Variants in FKBP5 observed in about 807,000 individuals in gnomAD.
The protein encoded by FKBP5 is FKBP prolyl isomerase 5.
FKBP5 carries 23 observed loss-of-function variants against 50.5 expected under a neutral mutation model. The ratio of observed to expected loss-of-function variants is 0.46; its 90% CI spans 0.33 to 0.65. The LOEUF is 0.65. Ranked by LOEUF, FKBP5 falls within the 30% of genes least tolerant of loss-of-function variation. The pLI is 0.02. For synonymous variants in FKBP5, 176 were observed against 190.6 expected, an observed-to-expected ratio of 0.92 and a Z score of 0.63; for missense variants, 411 against 553.1, an observed-to-expected ratio of 0.74 and a Z score of 2.58.
chr6:35,666,781 C>A (rs1408305982), intron 1 of FKBP5, among the ~76,000 whole-genome samples: 3 of 151,894 alleles, frequency 2.0e-5, no homozygotes, highest in Non-Finnish European at 4.4e-5. Context: ...CCCAGCTACT[C>A]GGGAGACTGA....
chr6:35,682,701 T>G (rs1285576717), intron 1 of FKBP5, among the ~76,000 whole-genome samples: 2 of 152,190 alleles, frequency 1.3e-5, no homozygotes, highest in Admixed American at 1.3e-4. Context: ...CATCTCTTAT[T>G]CTTCTTTCCA....
chr6:35,665,732 C>T (rs1765196685), intron 1 of FKBP5, among the ~76,000 whole-genome samples: 1 of 152,182 alleles, frequency 6.6e-6, no homozygotes, highest in African/African-American at 2.4e-5. Context: ...CAACAGATCA[C>T]ATCAGGCAAT....
At chr6:35,576,518 T>A (rs1345339540) in intron 10 of FKBP5, among the ~76,000 whole-genome samples, 1 of 151,924 alleles carries the variant, frequency 6.6e-6, no homozygotes, top group Non-Finnish European at 1.5e-5. Flanking sequence ...CAAAAAATTT[T>A]AAAAAATTAG....
intron 2 of FKBP5, among the ~76,000 whole-genome samples, chr6:35,696,272 A>T (rs1197641028): frequency 6.6e-6 from 1 of 152,072 alleles, no homozygotes; most frequent in East Asian, 1.9e-4. Flanking sequence ...CTGTAATCCC[A>T]GCACTTTGGG....
intron 1 of FKBP5, among the ~76,000 whole-genome samples, chr6:35,664,225 A>AT (rs1765153835): frequency 6.6e-6 from 1 of 152,176 alleles, no homozygotes; most frequent in African/African-American, 2.4e-5. Flanking sequence ...GCCAGGGAAT[A>AT]TTTTTTAAAT....
chr6:35,630,881 A>G (rs1239997881), intron 3 of FKBP5, among the ~76,000 whole-genome samples: 1 of 152,238 alleles, frequency 6.6e-6, no homozygotes, highest in Non-Finnish European at 1.5e-5. Context: ...CCGAAGACCA[A>G]TTAAGAAAAT....
At chr6:35,579,518 A>C (rs1762354526) in intron 9 of FKBP5, among the ~76,000 whole-genome samples, 1 of 152,172 alleles carries the variant, frequency 6.6e-6, no homozygotes. Context: ...CACTCAAAAG[A>C]CCAAAGATAG....
chr6:35,698,369 C>T (rs151098272), intron 2 of FKBP5, among the ~76,000 whole-genome samples: 1 of 150,940 alleles, frequency 6.6e-6, no homozygotes, highest in East Asian at 2.0e-4. Flanking sequence ...TAAATAAGGC[C>T]GGGCGCGGTG....
At chr6:35,713,741 C>T (rs1427144558) in intron 2 of FKBP5, among the ~76,000 whole-genome samples, 1 of 152,198 alleles carries the variant, frequency 6.6e-6, no homozygotes, top group Admixed American at 6.5e-5. Context: ...GCCACTTGTC[C>T]AAAACTGTGC....
At chr6:35,688,625 G>C (rs1464726404) in intron 1 of FKBP5, 179 bp downstream of exon 1, 1 of 150,802 alleles carries the variant, frequency 6.6e-6, no homozygotes, top group East Asian at 1.9e-4. Context: ...CCTCCCGCGC[G>C]CTCCCCTCGA....
intron 3 of FKBP5, among the ~76,000 whole-genome samples, chr6:35,627,177 C>T (rs75455884): frequency 3.3e-5 from 5 of 152,128 alleles, no homozygotes; most frequent in Non-Finnish European, 5.9e-5. Context: ...CCATTCTAAC[C>T]GGTATGAGGG....
chr6:35,656,568 A>G (rs560751122), intron 1 of FKBP5, among the ~76,000 whole-genome samples: 1 of 152,322 alleles, frequency 6.6e-6, no homozygotes, highest in South Asian at 2.1e-4. Context: ...TACATGTGGT[A>G]TTAGTTTTCT....
chr6:35,665,697 T>G (rs973552055), intron 1 of FKBP5, among the ~76,000 whole-genome samples: 4 of 152,192 alleles, frequency 2.6e-5, no homozygotes, highest in Non-Finnish European at 4.4e-5. Flanking sequence ...GTAGAGGTCA[T>G]AGTACACTAT....
intron 10 of FKBP5, among the ~76,000 whole-genome samples, chr6:35,576,680 C>CG (rs889798984): frequency 1.1e-4 from 11 of 97,982 alleles, no homozygotes; most frequent in Admixed American, 5.3e-4. Flanking sequence ...GGCAGGGGCC[C>CG]GGGGGGCGGG....
chr6:35,676,120 T>G (rs866091593), intron 1 of FKBP5, among the ~76,000 whole-genome samples: 1 of 152,112 alleles, frequency 6.6e-6, no homozygotes, highest in East Asian at 1.9e-4. Flanking sequence ...GACGTCATAG[T>G]GTAAAGCAAA....
chr6:35,646,226 T>G lies in FKBP5; in HGVS notation c.-19-3383A>C, dbSNP rs1438425430. 4.6e-5 allele frequency among the ~76,000 whole-genome samples: 7 copies of G among 152,362 alleles called. No homozygotes were observed. The South Asian group carries it at 1.0e-3, about 23-fold the overall frequency. On this transcript the variant is annotated intron_variant, in intron 1 of 10. Transcript: ENST00000357266. ...TAAATAGGCAACCTGTATAAGCTGA[T>G]TTACTAGCTTTCTAAATCCCATTTG...
At chr6:35,691,449 T>C (rs1765985040), upstream of FKBP5, among the ~76,000 whole-genome samples, 1 of 152,144 alleles carries the variant, frequency 6.6e-6, no homozygotes, top group Non-Finnish European at 1.5e-5. Context: ...CAGAGGGCTG[T>C]GTGGACGTGT....
At chr6:35,674,343 T>C (rs1765473365) in intron 1 of FKBP5, among the ~76,000 whole-genome samples, 1 of 152,176 alleles carries the variant, frequency 6.6e-6, no homozygotes, top group Non-Finnish European at 1.5e-5. Flanking sequence ...GATACAGACT[T>C]AGAAATTATC....
At chr6:35,664,845 C>T (rs1328586009) in intron 1 of FKBP5, 1 of 153,948 alleles carries the variant, frequency 6.5e-6, no homozygotes, top group Admixed American at 6.6e-5. Flanking sequence ...CACTTCAGGA[C>T]CCTTTTATTT....
Sources: gnomAD v4.1 joint callset for allele counts (sites outside exome capture counted in the v4.1 genomes callset) on GRCh38, gnomAD v4.1.1 for gene constraint, MANE v1.5 for transcripts, NCBI Gene and HGNC (gene_info 2026-07-23, HGNC 2026-07-21) for gene names.